The following POLE2 variants were observed in gnomAD, a reference collection of about 807,000 sequenced individuals.
POLE2 encodes the protein DNA polymerase epsilon 2, accessory subunit, also known as DNA polymerase epsilon subunit 2.
A neutral mutation model predicts 79.4 loss-of-function variants in POLE2; 56 were observed. That is an observed-to-expected ratio of 0.71 (90% CI 0.57 to 0.88). The LOEUF (loss-of-function observed/expected upper bound fraction) is 0.88, where lower values mean the gene tolerates loss of function less well. POLE2 is among the 40% of genes least tolerant of loss of function. POLE2 has a pLI of 0.00. For synonymous variants in POLE2, 212 were observed against 214.0 expected (o/e 0.99, Z 0.08); for missense variants, 598 against 638.9 (o/e 0.94, Z 0.69).
At chr14:49,647,408 A>T (rs564750601) in intron 17 of POLE2, 48 bp from the exon 18 acceptor site, 68 of 831,860 alleles carry the variant, frequency 8.2e-5, no homozygotes, top group East Asian at 2.0e-4. Flanking sequence ...ACTTTTTTTT[A>T]AAATAAATTT....
chr14:49,660,248 T>C (rs1885005752), intron 10 of POLE2, among the ~76,000 whole-genome samples: 1 of 152,226 alleles, frequency 6.6e-6, no homozygotes, highest in African/African-American at 2.4e-5. Flanking sequence ...AGCCTTGGTG[T>C]ACAGTGGGCT....
chr14:49,645,335 C>CTGTAATTTTATCAACT (rs1883687799), intron 18 of POLE2, among the ~76,000 whole-genome samples: 1 of 152,164 alleles, frequency 6.6e-6, no homozygotes, highest in East Asian at 1.9e-4. Flanking sequence ...TCAACTTTGA[C>CTGTAATTTTATCAACT]TACATTTCTG....
rs117843938 is a variant in POLE2 at position 49,652,856 on chromosome 14, C to T, written c.1211+1134G>A. Among the ~76,000 whole-genome samples, 43 of 152,052 alleles carry T rather than the reference C, an allele frequency of 2.8e-4. No homozygotes were observed. The East Asian group carries it at 8.3e-3, about 29-fold the overall frequency. The stretch of plus-strand genomic sequence containing the variant: ...TTGAATCATCCCAAAATCACCCCCA[C>T]CCCCCCTGGCGTCTGTCTCCCATAA... On this transcript the variant is annotated intron_variant, in intron 15 of 18. Transcript: ENST00000216367.
Position 49,649,198 on chromosome 14 carries a change from G to A in POLE2, c.1497+1067C>T, listed in dbSNP as rs1468441799. On this transcript the variant is annotated intron_variant, in intron 17 of 18. Coordinates refer to ENST00000216367, the MANE Select transcript of POLE2 (RefSeq NM_002692.4). ...GTCTCGCTCAGCTGCCCAGGCTGGA[G>A]TGCAGTGGCGCGATCTTGGCTCACT... 6.6e-5 allele frequency among the ~76,000 whole-genome samples: 9 copies of A among 136,554 alleles called. No individual in the cohort carries two copies. The Admixed American group carries it at 7.4e-4, about 11-fold the overall frequency. The allele number at this position is 136,554 out of a possible 152,430, so 89.6% of individuals were successfully genotyped here. A position where few individuals can be genotyped will look rare whatever the true frequency, so the allele number is the denominator to read the frequency against.
intron 10 of POLE2, among the ~76,000 whole-genome samples, chr14:49,660,498 A>G (rs1215717160): frequency 6.6e-6 from 1 of 151,994 alleles, no homozygotes; most frequent in Admixed American, 6.6e-5. Flanking sequence ...CATTATTAAT[A>G]AGAAAAAACT....
intron 6 of POLE2, among the ~76,000 whole-genome samples, chr14:49,667,329 G>A (rs908012586): frequency 6.6e-6 from 1 of 151,860 alleles, no homozygotes; most frequent in Non-Finnish European, 1.5e-5. Context: ...GTACTATTCT[G>A]CAACTTAACT....
intron 18 of POLE2, among the ~76,000 whole-genome samples, chr14:49,646,339 A>ATTTTT (rs1883776127): frequency 1.5e-5 from 1 of 66,750 alleles, no homozygotes; most frequent in African/African-American, 6.4e-5. Flanking sequence ...TTTTTTTGAG[A>ATTTTT]TAGAGTCTCA....
At chr14:49,679,643 T>C (rs1307664655) in intron 3 of POLE2, 82 bp downstream of exon 3, 2 of 722,682 alleles carry the variant, frequency 2.8e-6, no homozygotes, top group East Asian at 5.2e-5. Flanking sequence ...CGTTGATCAC[T>C]AATAATTTTC....
Position 49,656,285 on chromosome 14 carries a change from G to A in POLE2, c.756-442C>T, listed in dbSNP as rs545124975. Among the ~76,000 whole-genome samples the A allele has an allele frequency of 4.6e-5, 7 of 151,916 alleles. No individual in the cohort carries two copies. In the South Asian group the frequency reaches 1.2e-3, roughly 27 times the overall value. ...CAGGAGAATGGCGTGAACCCCGGGG[G>A]GCGGAGCCTGCAGTGAGCCGAGATT... On this transcript the variant is annotated intron_variant, in intron 10 of 18. Transcript: ENST00000216367.
chr14:49,665,071 T>C (rs765424556), intron 8 of POLE2, 36 bp downstream of exon 8: 22 of 957,318 alleles, frequency 2.3e-5, no homozygotes, highest in Non-Finnish European at 3.0e-5. Flanking sequence ...ATTCACGTAA[T>C]GCAGATTTTA....
chr14:49,653,836 T>A, intron 15 of POLE2, 154 bp downstream of exon 15: 2 of 555,428 alleles, frequency 3.6e-6, no homozygotes, highest in Non-Finnish European at 6.5e-6. Context: ...TTTGTAGAGA[T>A]GGGTTTCACT....
chr14:49,656,094 G>T (rs1442609135), intron 10 of POLE2, among the ~76,000 whole-genome samples: 1 of 152,118 alleles, frequency 6.6e-6, no homozygotes, highest in Non-Finnish European at 1.5e-5. Context: ...GGTGGCTCAC[G>T]CCTGTAATCC....
At chr14:49,647,115 T>G (rs565690973) in intron 18 of POLE2, 178 bp downstream of exon 18, 10 of 457,264 alleles carry the variant, frequency 2.2e-5, no homozygotes, top group African/African-American at 2.1e-4. Flanking sequence ...AAACGTACCA[T>G]CATGTACCCA....
intron 17 of POLE2, among the ~76,000 whole-genome samples, chr14:49,649,711 AG>A (rs1884070077): frequency 6.6e-6 from 1 of 152,162 alleles, no homozygotes; most frequent in African/African-American, 2.4e-5. Context: ...GGCCTCCCAA[AG>A]TGCTGGGATT....
chr14:49,671,143 A>G (rs957315012), intron 5 of POLE2, among the ~76,000 whole-genome samples: 6 of 152,266 alleles, frequency 3.9e-5, no homozygotes, highest in Admixed American at 3.9e-4. Context: ...CACACCCACC[A>G]TAACAGAGTA....
intron 1 of POLE2, among the ~76,000 whole-genome samples, chr14:49,687,680 G>C (rs548624454): frequency 3.3e-5 from 5 of 151,926 alleles, no homozygotes; most frequent in Non-Finnish European, 5.9e-5. Flanking sequence ...AAGAAGGCAC[G>C]GCAGCCTCAA....
chr14:49,677,469 T>G, intron 3 of POLE2: 1 of 476,138 alleles, frequency 2.1e-6, no homozygotes, highest in East Asian at 3.9e-5. Context: ...CAGCCAGTTT[T>G]AATACACTTG....
intron 18 of POLE2, 41 bp from the exon 19 acceptor site, chr14:49,643,711 T>A: frequency 9.7e-7 from 1 of 1,036,264 alleles, no homozygotes; most frequent in Non-Finnish European, 1.5e-6. Flanking sequence ...GAAACCTAAG[T>A]TGTATACTTA....
chr14:49,659,228 G>T (rs1286323442), intron 10 of POLE2, among the ~76,000 whole-genome samples: 1 of 149,082 alleles, frequency 6.7e-6, no homozygotes, highest in African/African-American at 2.5e-5. Flanking sequence ...ACCAGCCTGA[G>T]CAACATAGTG....
Sources: allele counts gnomAD v4.1 joint callset (sites outside exome capture counted in the v4.1 genomes callset), GRCh38; gene constraint gnomAD v4.1.1; transcripts MANE v1.5; gene names NCBI Gene and HGNC (gene_info 2026-07-23, HGNC 2026-07-21).